SH3TC2: variants seen among roughly 807,000 people sequenced by gnomAD.
The protein encoded by SH3TC2 is SH3 domain and tetratricopeptide repeat-containing protein 2.
In SH3TC2, 87 loss-of-function variants were observed where a neutral mutation model predicts 124.5. The ratio of observed to expected loss-of-function variants is 0.70; its 90% CI spans 0.59 to 0.84. SH3TC2 has a LOEUF of 0.84. Ranked by LOEUF, SH3TC2 falls within the 40% of genes least tolerant of loss-of-function variation. The probability of loss-of-function intolerance (pLI) is 0.00; values close to 1 mark genes in which losing one functional copy is unlikely to be tolerated. For synonymous variants in SH3TC2, 634 were observed against 628.5 expected (o/e 1.01, Z -0.13); for missense variants, 1,536 against 1,566.4 (o/e 0.98, Z 0.33).
intron 5 of SH3TC2, among the ~76,000 whole-genome samples, chr5:149,042,402 G>A (rs908283899): frequency 1.2e-4 from 19 of 152,144 alleles, no homozygotes; most frequent in African/African-American, 4.3e-4. Flanking sequence ...CAATACTTGG[G>A]CCTTCACCTT....
chr5:149,005,917 G>T (rs142781876), intron 16 of SH3TC2, among the ~76,000 whole-genome samples: 1 of 152,046 alleles, frequency 6.6e-6, no homozygotes, highest in Non-Finnish European at 1.5e-5. Context: ...TGGGGGTCAG[G>T]GTTGTAACAG....
chr5:149,012,673 C>T lies in SH3TC2; in HGVS notation c.3115G>A (p.Glu1039Lys). 6.2e-7 allele frequency: 1 copy of T among 1,614,120 alleles called. No homozygotes were observed. Among genetic ancestry groups the T allele is most frequent in the African/African-American group, 1.3e-5 (1 of 75,014 alleles). Residue 1039 changes from glutamate (E) to lysine (K), a missense_variant, in exon 13 of 17, where the codon GAG becomes AAG. By Grantham distance (56) the Glu-to-Lys change is moderately conservative. This residue lies in a region of SH3TC2 where 426 missense variants were observed against 443.5 expected (regional missense o/e 0.96). Coordinates refer to ENST00000515425, the MANE Select transcript of SH3TC2 (RefSeq NM_024577.4). ...ESLRIFIDLG[E>K]TDKAAEAWLG... ...CAGGCCTCAGCAGCCTTGTCTGTCTCCCCCAGGTCAATGAAGATACGCAGG... is the reference window on the plus strand; with the variant it reads ...CAGGCCTCAGCAGCCTTGTCTGTCTTCCCCAGGTCAATGAAGATACGCAGG...
Position 149,008,995 on chromosome 5 carries a change from C to T in SH3TC2, c.3334G>A (p.Ala1112Thr). 1.9e-6 allele frequency: 3 copies of T among 1,614,182 alleles called. No homozygotes were observed. The highest frequency in any genetic ancestry group is 2.5e-6 in the Non-Finnish European group (3 of 1,180,016). ...TTCAACCTCCTTGCTAAAGGAACAGCTCCAGCCTAGGAACAGAAGCCCAAG... is the reference window on the plus strand; with the variant it reads ...TTCAACCTCCTTGCTAAAGGAACAGTTCCAGCCTAGGAACAGAAGCCCAAG... Reference protein sequence around the residue: ...HHAVEYYRAGAVPLARRLKAV... With the variant: ...HHAVEYYRAGTVPLARRLKAV... Residue 1112 changes from alanine to threonine, a missense_variant, in exon 15 of 17, where the codon GCT (alanine) becomes ACT (threonine). By Grantham distance (58) the Ala-to-Thr change is moderately conservative. Coordinates refer to ENST00000515425, the MANE Select transcript of SH3TC2 (RefSeq NM_024577.4).
At chr5:149,050,045 C>T (rs1401158843) in intron 2 of SH3TC2, among the ~76,000 whole-genome samples, 4 of 152,188 alleles carry the variant, frequency 2.6e-5, no homozygotes, top group South Asian at 2.1e-4. Context: ...ATCCCCCATT[C>T]GTAGCCCCTG....
rs768380537 is a variant in SH3TC2 at position 149,044,867 on chromosome 5, A to C, written c.280-229T>G. ...TATGCAGCCACAGAAAAGAAGAAAGAAGCTCTTTGTGTACTGATATAGGCT... is the reference window on the plus strand; with the variant it reads ...TATGCAGCCACAGAAAAGAAGAAAGCAGCTCTTTGTGTACTGATATAGGCT... On this transcript the variant is annotated intron_variant, in intron 3 of 16. Transcript: ENST00000515425. 3.9e-4 allele frequency: 189 copies of C among 486,020 alleles called. 1 individual carries two copies. Among genetic ancestry groups the C allele is most frequent in the Middle Eastern group, 5.8e-4 (1 of 1,730 alleles). The allele number at this position is 486,020 out of a possible 1,614,324, so 30.1% of individuals were successfully genotyped here.
chr5:149,041,352 C>T (rs1338925682), intron 6 of SH3TC2, 64 bp downstream of exon 6: 2 of 1,557,420 alleles, frequency 1.3e-6, no homozygotes, highest in African/African-American at 1.4e-5. Flanking sequence ...AGCATGCCTA[C>T]TCTGTTCTGT....
At chr5:149,044,813 C>T (rs114409023) in intron 3 of SH3TC2, 175 bp from the exon 4 acceptor site, 8 of 595,614 alleles carry the variant, frequency 1.3e-5, no homozygotes, top group African/African-American at 1.9e-5. Flanking sequence ...AAATGGAGTA[C>T]AATTTATCCA....
chr5:149,014,914 C>T (rs1014258194), intron 12 of SH3TC2, among the ~76,000 whole-genome samples: 3 of 152,236 alleles, frequency 2.0e-5, no homozygotes, highest in African/African-American at 7.2e-5. Context: ...AAATCTCATC[C>T]TCATCCTATT....
intron 1 of SH3TC2, among the ~76,000 whole-genome samples, chr5:149,057,824 TG>T (rs1025776360): frequency 1.3e-5 from 2 of 152,248 alleles, no homozygotes; most frequent in Admixed American, 6.5e-5. Context: ...GTAGTCTATA[TG>T]GAGCTGACTC....
intron 7 of SH3TC2, 109 bp from the exon 8 acceptor site, chr5:149,038,599 G>T: frequency 8.3e-7 from 1 of 1,201,514 alleles, no homozygotes; most frequent in Non-Finnish European, 1.2e-6. Context: ...AGAATGTCAA[G>T]GACCAGTAAC....
intron 9 of SH3TC2, 119 bp from the exon 10 acceptor site, chr5:149,028,837 C>A (rs1754131823): frequency 3.0e-6 from 3 of 986,768 alleles, no homozygotes; most frequent in South Asian, 2.6e-5. Flanking sequence ...GACCTTCAGT[C>A]ATCATTAAGG....
At chr5:149,040,142 T>C (rs762369237) in intron 7 of SH3TC2, among the ~76,000 whole-genome samples, 1 of 152,210 alleles carries the variant, frequency 6.6e-6, no homozygotes, top group Admixed American at 6.5e-5. Context: ...AAATTTTTAC[T>C]GAGTACCCTT....
At chr5:149,030,170 C>G (rs564997486) in intron 9 of SH3TC2, among the ~76,000 whole-genome samples, 14 of 152,294 alleles carry the variant, frequency 9.2e-5, no homozygotes, top group African/African-American at 2.6e-4. Context: ...TCTCTTCTGG[C>G]CAAGAGTATG....
At position 148,999,644 on chromosome 5, in the gene SH3TC2, A is replaced by G. The variant is rs1753564759; in HGVS notation, c.*5067T>C. ...CAACTAAATCCAATGTGGGATCAGA[A>G]GAACATTAGTGGGGAAAACTGTTGA... On this transcript the variant is annotated 3_prime_UTR_variant, in exon 17 of 17. Coordinates refer to ENST00000515425, the MANE Select transcript of SH3TC2 (RefSeq NM_024577.4). Among the ~76,000 whole-genome samples, 1 of 152,232 alleles carries G rather than the reference A, an allele frequency of 6.6e-6. No individual in the cohort carries two copies. Among genetic ancestry groups the G allele is most frequent in the Non-Finnish European group, 1.5e-5 (1 of 68,032 alleles).
chr5:149,027,311 G>T lies in SH3TC2; in HGVS notation c.2421C>A (p.Leu807=), dbSNP rs780721573. 1.2e-6 allele frequency: 2 copies of T among 1,614,066 alleles called. No homozygotes were observed. The highest frequency in any genetic ancestry group is 2.2e-5 in the South Asian group (2 of 91,092). ...AAGCCTTCTTGGCCTGGCTGGCTAA[G>T]AGATAGGCCCATGCCAGGCAGAGAG... ...ESSLCLAWAY[L]LASQAKKALD... is the part of the protein sequence containing the mutation. The change falls in exon 11 of 17, where the codon CTC becomes CTA. Residue 807 remains leucine (L), a synonymous_variant. Transcript: ENST00000515425.
intron 12 of SH3TC2, among the ~76,000 whole-genome samples, chr5:149,022,810 A>C (rs1165304458): frequency 1.3e-5 from 2 of 152,220 alleles, no homozygotes; most frequent in African/African-American, 4.8e-5. Flanking sequence ...ACTGTATGAT[A>C]CCATTTATAT....
intron 12 of SH3TC2, among the ~76,000 whole-genome samples, chr5:149,023,443 T>C (rs1292953777): frequency 6.6e-6 from 1 of 152,134 alleles, no homozygotes; most frequent in Admixed American, 6.5e-5. Flanking sequence ...ATGTATCATA[T>C]ATAAACTTTA....
Position 149,025,455 on chromosome 5 carries a change from A to T in SH3TC2, c.3053+1117T>A, listed in dbSNP as rs1338434119. On this transcript the variant is annotated intron_variant, in intron 12 of 16. Coordinates refer to ENST00000515425, the MANE Select transcript of SH3TC2 (RefSeq NM_024577.4). ...TAGTCATTTAATTACCCTCTCCTCA[A>T]CAACCTCTCTCTCTGCTTAACAGTA... Among the ~76,000 whole-genome samples the T allele has an allele frequency of 2.6e-5, 4 of 152,358 alleles. No homozygotes were observed. The East Asian group carries it at 7.7e-4, about 29-fold the overall frequency.
At chr5:149,044,800 T>C (rs1754430267) in intron 3 of SH3TC2, 162 bp from the exon 4 acceptor site, 1 of 624,964 alleles carries the variant, frequency 1.6e-6, no homozygotes. Context: ...AAGAGATTGG[T>C]TAAAATGGAG....
Sources: gnomAD v4.1 joint callset for allele counts (sites outside exome capture counted in the v4.1 genomes callset) on GRCh38, gnomAD v4.1.1 for gene constraint, gnomAD v4.1.1 regional missense constraint, MANE v1.5 for transcripts, NCBI Gene and HGNC (gene_info 2026-07-23, HGNC 2026-07-21) for gene names.